The following EPB41 variants were observed in gnomAD, a reference collection of about 807,000 sequenced individuals.
EPB41 encodes erythrocyte membrane protein band 4.1, also known as protein 4.1.
In EPB41, 65 loss-of-function variants were observed where a neutral mutation model predicts 108.0. That is an observed-to-expected ratio of 0.60 (90% CI 0.49 to 0.74). The LOEUF (loss-of-function observed/expected upper bound fraction) is 0.74. Among genes scored for constraint, EPB41 ranks in the 30% least tolerant of loss-of-function variants. The pLI, the probability that EPB41 is intolerant of heterozygous loss-of-function variation, is 0.00. For missense variants in EPB41, 875 were observed against 1,037.0 expected, an observed-to-expected ratio of 0.84 and a Z score of 2.15; for synonymous variants, 336 against 358.9, an observed-to-expected ratio of 0.94 and a Z score of 0.72.
At chr1:29,057,373 CAAA>C (rs72047998) in intron 12 of EPB41, among the ~76,000 whole-genome samples, 1 of 65,292 alleles carries the variant, frequency 1.5e-5, no homozygotes, top group Non-Finnish European at 2.9e-5. Context: ...GACTCTGTCT[CAAA>C]AAAAAAAAAA....
chr1:29,085,381 A>G (rs1210816934), intron 16 of EPB41, among the ~76,000 whole-genome samples: 2 of 151,682 alleles, frequency 1.3e-5, no homozygotes, highest in Non-Finnish European at 2.9e-5. Context: ...CTGATCTCAA[A>G]TGATCCGCCT....
At chr1:28,935,234 C>T in intron 1 of EPB41, among the ~76,000 whole-genome samples, 1 of 151,644 alleles carries the variant, frequency 6.6e-6, no homozygotes, top group Non-Finnish European at 1.5e-5. Flanking sequence ...AATTCGAGAC[C>T]AGCATGACCA....
At chr1:29,067,445 G>A (rs535429207) in intron 16 of EPB41, among the ~76,000 whole-genome samples, 17 of 139,790 alleles carry the variant, frequency 1.2e-4, no homozygotes, top group African/African-American at 4.2e-4. Context: ...GCAGTGAGCC[G>A]AGATCGCGCC....
chr1:29,095,990 TAGTGAACAGC>T (rs1319127091), intron 16 of EPB41, among the ~76,000 whole-genome samples: 5 of 152,194 alleles, frequency 3.3e-5, no homozygotes. Context: ...TGATAATGTG[TAGTGAACAGC>T]AGCTCTTCCT....
chr1:29,038,165 AT>A (rs1640212489), intron 10 of EPB41, among the ~76,000 whole-genome samples: 5 of 152,366 alleles, frequency 3.3e-5, no homozygotes, highest in African/African-American at 1.2e-4. Flanking sequence ...GGAAATTAAT[AT>A]TTCAATTATT....
intron 16 of EPB41, among the ~76,000 whole-genome samples, chr1:29,078,007 A>G (rs1206008102): frequency 1.3e-5 from 2 of 152,186 alleles, no homozygotes; most frequent in East Asian, 1.9e-4. Context: ...TGGGCAGATC[A>G]TTTAAGGTCA....
rs551892636 is a variant in EPB41, at chr1:29,086,376, C to T, written c.2185-11431C>T. ...GCAACCTCCGTCTCCCAGGTTTAAGCGATTCTCCTGCCTCATCCTCCGGAG... is the reference window on the plus strand; with the variant it reads ...GCAACCTCCGTCTCCCAGGTTTAAGTGATTCTCCTGCCTCATCCTCCGGAG... On this transcript the variant is annotated intron_variant, in intron 16 of 20. Coordinates refer to ENST00000343067, the MANE Select transcript of EPB41 (RefSeq NM_001376013.1). 6.0e-5 allele frequency among the ~76,000 whole-genome samples: 9 copies of T among 150,766 alleles called. No individual in the cohort carries two copies. In the East Asian group the frequency reaches 1.2e-3, roughly 20 times the overall value.
intron 16 of EPB41, among the ~76,000 whole-genome samples, chr1:29,091,600 T>C (rs1193378018): frequency 2.0e-5 from 3 of 152,184 alleles, no homozygotes; most frequent in Admixed American, 2.0e-4. Context: ...ACAATATGGT[T>C]TCATATACAG....
chr1:28,933,168 A>G (rs2093833559), intron 1 of EPB41, among the ~76,000 whole-genome samples: 1 of 152,136 alleles, frequency 6.6e-6, no homozygotes, highest in African/African-American at 2.4e-5. Flanking sequence ...GATCAAACAT[A>G]TTTGCCGTGT....
At chr1:28,997,515 CTT>C (rs2096207552) in intron 4 of EPB41, among the ~76,000 whole-genome samples, 196 bp downstream of exon 4, 1 of 152,092 alleles carries the variant, frequency 6.6e-6, no homozygotes, top group South Asian at 2.1e-4. Context: ...CTGGTGTATT[CTT>C]TCATCATTGA....
intron 1 of EPB41, among the ~76,000 whole-genome samples, chr1:28,889,499 C>T (rs1325355088): frequency 5.3e-5 from 8 of 152,236 alleles, no homozygotes; most frequent in Admixed American, 2.6e-4. Context: ...ACTCCCCAGA[C>T]GAGTGCGGGT....
At chr1:28,977,670 A>T (rs1203052056) in intron 1 of EPB41, among the ~76,000 whole-genome samples, 1 of 152,156 alleles carries the variant, frequency 6.6e-6, no homozygotes, top group Non-Finnish European at 1.5e-5. Flanking sequence ...TTTACATAGG[A>T]AGAGCTTGTT....
At chr1:29,095,731 C>T (rs972022933) in intron 16 of EPB41, among the ~76,000 whole-genome samples, 1 of 151,224 alleles carries the variant, frequency 6.6e-6, no homozygotes, top group African/African-American at 2.4e-5. Flanking sequence ...ATGGTCAGGC[C>T]ACTGCACTCC....
At chr1:29,035,803 C>A (rs1234785677) in intron 9 of EPB41, 23 bp from the exon 10 acceptor site, 1 of 1,560,568 alleles carries the variant, frequency 6.4e-7, no homozygotes, top group African/African-American at 1.4e-5. Context: ...CTTCATGTCC[C>A]ATGTTTATTT....
chr1:29,090,827 G>T (rs1030193987), intron 16 of EPB41, among the ~76,000 whole-genome samples: 1 of 152,146 alleles, frequency 6.6e-6, no homozygotes, highest in Non-Finnish European at 1.5e-5. Context: ...TTTGCAACAT[G>T]TTGCATTCTA....
chr1:28,963,344 C>CGT (rs57558766), intron 1 of EPB41, among the ~76,000 whole-genome samples: 10,802 of 146,174 alleles, frequency 0.074, 456 homozygotes, highest in Middle Eastern at 0.12. Context: ...AAATCAGAAT[C>CGT]GTGTGTGTGT....
chr1:29,091,195 C>T (rs1661048824), intron 16 of EPB41, among the ~76,000 whole-genome samples: 1 of 152,154 alleles, frequency 6.6e-6, no homozygotes, highest in African/African-American at 2.4e-5. Flanking sequence ...CAGACTACTA[C>T]TTATCACTTG....
At chr1:28,968,973 C>T (rs997522548) in intron 1 of EPB41, among the ~76,000 whole-genome samples, 5 of 124,940 alleles carry the variant, frequency 4.0e-5, no homozygotes, top group African/African-American at 1.8e-4. Flanking sequence ...TCCAAAACCC[C>T]CCACCCCCCA....
chr1:29,048,275 C>T lies in EPB41; in HGVS notation c.1637-4829C>T, dbSNP rs561563941. On this transcript the variant is annotated intron_variant, in intron 11 of 20. Coordinates refer to ENST00000343067, the MANE Select transcript of EPB41 (RefSeq NM_001376013.1). ...CGTTGCCTAGGCTGGAGTGCAATGG[C>T]GTGATCTCGGCTCACCGCAACCTCT... Among the ~76,000 whole-genome samples, 10 of 151,974 alleles carry T rather than the reference C, an allele frequency of 6.6e-5. No individual in the cohort carries two copies. The South Asian group carries it at 8.3e-4, about 13-fold the overall frequency.
Sources: gnomAD v4.1 joint callset for allele counts (sites outside exome capture counted in the v4.1 genomes callset) on GRCh38, gnomAD v4.1.1 for gene constraint, MANE v1.5 for transcripts, NCBI Gene and HGNC (gene_info 2026-07-23, HGNC 2026-07-21) for gene names.